Variants in RBMS3 observed in about 807,000 individuals in gnomAD.
The protein encoded by RBMS3 is RNA-binding motif, single-stranded-interacting protein 3.
A neutral mutation model predicts 66.8 loss-of-function variants in RBMS3; 27 were observed. The observed-to-expected ratio is 0.40, with a 90% CI of 0.30 to 0.56. RBMS3 has a LOEUF of 0.56. Ranked by LOEUF, RBMS3 falls within the 20% of genes least tolerant of loss-of-function variation. The probability of loss-of-function intolerance (pLI) is 0.40; values close to 1 mark genes in which losing one functional copy is unlikely to be tolerated. For synonymous variants in RBMS3, 188 were observed against 183.0 expected, an observed-to-expected ratio of 1.03 and a Z score of -0.22; for missense variants, 513 against 549.5, an observed-to-expected ratio of 0.93 and a Z score of 0.66.
intron 1 of RBMS3, among the ~76,000 whole-genome samples, chr3:29,362,706 C>A (rs1291338449): frequency 6.6e-6 from 1 of 152,150 alleles, no homozygotes; most frequent in Non-Finnish European, 1.5e-5. Flanking sequence ...TTCCAAAATT[C>A]CATAGTTTAC....
Position 29,742,105 on chromosome 3 carries a change from T to C in RBMS3, c.557+2228T>C, listed in dbSNP as rs184240890. Reference sequence around the variant, plus strand: ...ATTTATCTTTTCTATACAATGAGAGTTTGCTTAAAATGAGGCATATTTTTC... The same window carrying C: ...ATTTATCTTTTCTATACAATGAGAGCTTGCTTAAAATGAGGCATATTTTTC... On this transcript the variant is annotated intron_variant, in intron 5 of 14. Coordinates refer to ENST00000383767, the MANE Select transcript of RBMS3 (RefSeq NM_001003793.3). Among the ~76,000 whole-genome samples, 3 of 152,256 alleles carry C rather than the reference T, an allele frequency of 2.0e-5. No homozygotes were observed. The East Asian group carries it at 5.8e-4, about 29-fold the overall frequency.
chr3:29,527,976 T>A (rs753353707), intron 3 of RBMS3, among the ~76,000 whole-genome samples: 5 of 151,958 alleles, frequency 3.3e-5, no homozygotes, highest in Non-Finnish European at 5.9e-5. Flanking sequence ...ATCTAAAAAT[T>A]CTTAGTGTAT....
At chr3:29,815,289 T>G (rs2057853105) in intron 6 of RBMS3, among the ~76,000 whole-genome samples, 1 of 152,202 alleles carries the variant, frequency 6.6e-6, no homozygotes. Context: ...AAACCTTAGA[T>G]ATCACCCATG....
At chr3:29,903,840 G>A (rs531636674) in intron 10 of RBMS3, among the ~76,000 whole-genome samples, 5 of 151,888 alleles carry the variant, frequency 3.3e-5, no homozygotes, top group Admixed American at 3.3e-4. Flanking sequence ...TGTTGCCATG[G>A]CAACAAATGG....
intron 1 of RBMS3, among the ~76,000 whole-genome samples, chr3:29,363,482 T>A (rs890382723): frequency 6.6e-6 from 1 of 152,130 alleles, no homozygotes; most frequent in African/African-American, 2.4e-5. Context: ...ACAAAGTCAA[T>A]TGACACTCAA....
intron 5 of RBMS3, among the ~76,000 whole-genome samples, chr3:29,749,622 C>T (rs2055082590): frequency 6.6e-6 from 1 of 152,068 alleles, no homozygotes; most frequent in Non-Finnish European, 1.5e-5. Flanking sequence ...TCTTGAGGTC[C>T]CAAAATATCT....
intron 1 of RBMS3, among the ~76,000 whole-genome samples, chr3:29,370,846 A>G (rs923463627): frequency 2.0e-5 from 3 of 152,186 alleles, no homozygotes; most frequent in African/African-American, 7.2e-5. Context: ...GGCTGGAGTG[A>G]TGAGAATGCT....
Position 29,883,275 on chromosome 3 carries a change from G to A in RBMS3, c.745-887G>A, listed in dbSNP as rs76642599. On this transcript the variant is annotated intron_variant, in intron 7 of 14. Coordinates refer to ENST00000383767, the MANE Select transcript of RBMS3 (RefSeq NM_001003793.3). ...TGTCATAGCTGAGGAATGGAAAGGA[G>A]CCCATATCAGAAGACTTGGGTTGAA... Among the ~76,000 whole-genome samples the A allele has an allele frequency of 9.5e-3, 1,445 of 152,122 alleles. 18 individuals are homozygous for A. Among genetic ancestry groups the A allele is most frequent in the African/African-American group, 0.032 (1,326 of 41,536 alleles).
At chr3:29,942,193 GAA>G (rs1486209589) in intron 11 of RBMS3, among the ~76,000 whole-genome samples, 4 of 151,600 alleles carry the variant, frequency 2.6e-5, no homozygotes, top group Non-Finnish European at 2.9e-5. Context: ...AAATAATTGG[GAA>G]AAAGTTTATT....
chr3:29,691,947 C>CTCTCTCTCTCTTTTTTTTTTT (rs1218393454), intron 4 of RBMS3, among the ~76,000 whole-genome samples: 19 of 53,528 alleles, frequency 3.5e-4, no homozygotes, highest in African/African-American at 1.2e-3. Flanking sequence ...CTCTCTCTCT[C>CTCTCTCTCTCTTTTTTTTTTT]TATTTTTTTT....
At chr3:29,738,536 C>T (rs532986455) in intron 4 of RBMS3, among the ~76,000 whole-genome samples, 1 of 152,264 alleles carries the variant, frequency 6.6e-6, no homozygotes, top group South Asian at 2.1e-4. Context: ...GTTTCCCATT[C>T]TATTAAGCAA....
At chr3:29,526,661 T>C (rs902889458) in intron 3 of RBMS3, among the ~76,000 whole-genome samples, 6 of 150,268 alleles carry the variant, frequency 4.0e-5, no homozygotes, top group Non-Finnish European at 1.5e-5. Flanking sequence ...ATAATAGAGA[T>C]GCCACTGGTG....
chr3:29,910,276 C>A (rs1197824697), intron 10 of RBMS3, among the ~76,000 whole-genome samples: 2 of 151,800 alleles, frequency 1.3e-5, no homozygotes, highest in East Asian at 3.9e-4. Flanking sequence ...ATAAATGTTA[C>A]CAGGGTAACA....
At chr3:29,969,386 T>C (rs1231412432) in intron 12 of RBMS3, among the ~76,000 whole-genome samples, 3 of 152,236 alleles carry the variant, frequency 2.0e-5, no homozygotes, top group Non-Finnish European at 2.9e-5. Flanking sequence ...AAGAAATTGA[T>C]TGATTCATGT....
intron 1 of RBMS3, among the ~76,000 whole-genome samples, chr3:29,283,977 C>A (rs9815887): frequency 0.18 from 26,663 of 152,092 alleles, 2,748 homozygotes; most frequent in Admixed American, 0.27. Flanking sequence ...AGGGTTAATA[C>A]TATACAATGA....
At chr3:29,821,020 C>T (rs2058064290) in intron 6 of RBMS3, among the ~76,000 whole-genome samples, 1 of 152,156 alleles carries the variant, frequency 6.6e-6, no homozygotes, top group East Asian at 1.9e-4. Flanking sequence ...CTAGAATGGT[C>T]CTGTTTTATG....
rs80164136 is a variant in RBMS3 at position 29,939,598 on chromosome 3, T to A, written c.1050+3402T>A. Among the ~76,000 whole-genome samples the A allele has an allele frequency of 3.7e-3, 563 of 152,020 alleles. 9 individuals carry two copies. The East Asian group carries it at 0.054, about 14-fold the overall frequency. ...CTCCATATTTAAATATTGGGTCCAG[T>A]TTGTCCCAAGAACTCCCAGTTTGTG... On this transcript the variant is annotated intron_variant, in intron 11 of 14. Coordinates refer to ENST00000383767, the MANE Select transcript of RBMS3 (RefSeq NM_001003793.3).
chr3:29,311,561 A>C (rs2034376164), intron 1 of RBMS3, among the ~76,000 whole-genome samples: 1 of 151,808 alleles, frequency 6.6e-6, no homozygotes, highest in East Asian at 1.9e-4. Context: ...CTGGGGTGCC[A>C]TATAATTTAG....
intron 12 of RBMS3, among the ~76,000 whole-genome samples, chr3:29,955,094 A>T (rs1695940581): frequency 6.6e-6 from 1 of 152,008 alleles, no homozygotes; most frequent in Non-Finnish European, 1.5e-5. Flanking sequence ...AGATTGTTCT[A>T]CAAGGAGGCA....
Sources: gnomAD v4.1 joint callset for allele counts (sites outside exome capture counted in the v4.1 genomes callset) on GRCh38, gnomAD v4.1.1 for gene constraint, MANE v1.5 for transcripts, NCBI Gene and HGNC (gene_info 2026-07-23, HGNC 2026-07-21) for gene names.